Variants in SHISA5 observed in about 807,000 individuals in gnomAD.
SHISA5 encodes protein shisa-5.
In SHISA5, 21 loss-of-function variants were observed where a neutral mutation model predicts 27.5. The ratio of observed to expected loss-of-function variants is 0.76; its 90% CI spans 0.54 to 1.10. The LOEUF (loss-of-function observed/expected upper bound fraction) is 1.10, where lower values mean the gene tolerates loss of function less well. Among genes scored for constraint, SHISA5 ranks in the 50% least tolerant of loss-of-function variants. The pLI is 0.00. For missense variants in SHISA5, 314 were observed against 336.3 expected (o/e 0.93, Z 0.52); for synonymous variants, 137 against 142.2 (o/e 0.96, Z 0.26).
At chr3:48,489,414 C>T (rs572203741) in intron 2 of SHISA5, among the ~76,000 whole-genome samples, 6 of 146,414 alleles carry the variant, frequency 4.1e-5, no homozygotes, top group Non-Finnish European at 7.5e-5. Flanking sequence ...CTCTGCCTCC[C>T]GGGTTCACGC....
At chr3:48,477,063 T>C (rs2040850846) in intron 3 of SHISA5, 1 of 450,836 alleles carries the variant, frequency 2.2e-6, no homozygotes, top group Non-Finnish European at 4.4e-6. Context: ...TGTTCCGCAC[T>C]GTCTCCTCCT....
chr3:48,472,875 A>G, intron 3 of SHISA5: 1 of 954,340 alleles, frequency 1.0e-6, no homozygotes, highest in Non-Finnish European at 1.6e-6. Flanking sequence ...CGGCCCAACC[A>G]GAGGCAGGAA....
intron 1 of SHISA5, among the ~76,000 whole-genome samples, chr3:48,501,870 T>C (rs543728217): frequency 6.0e-5 from 9 of 150,140 alleles, no homozygotes; most frequent in Admixed American, 4.6e-4. Flanking sequence ...CTTTTTTTTT[T>C]TTTTTTTTGA....
At chr3:48,498,072 T>A (rs909181778) in intron 2 of SHISA5, among the ~76,000 whole-genome samples, 3 of 152,220 alleles carry the variant, frequency 2.0e-5, no homozygotes, top group African/African-American at 7.2e-5. Flanking sequence ...GAGAGTAATA[T>A]AATTTACCAT....
intron 2 of SHISA5, among the ~76,000 whole-genome samples, chr3:48,496,815 A>G (rs1472577666): frequency 1.3e-5 from 2 of 152,014 alleles, no homozygotes; most frequent in African/African-American, 2.4e-5. Flanking sequence ...AACATATATA[A>G]GACTTTGAAA....
At chr3:48,492,242 G>A (rs112288554) in intron 2 of SHISA5, among the ~76,000 whole-genome samples, 2 of 150,644 alleles carry the variant, frequency 1.3e-5, no homozygotes, top group South Asian at 2.1e-4. Flanking sequence ...AGGCCGAGGC[G>A]GGCGGATCAC....
chr3:48,475,506 C>G (rs1266032459), intron 3 of SHISA5, among the ~76,000 whole-genome samples: 3 of 152,136 alleles, frequency 2.0e-5, no homozygotes, highest in Non-Finnish European at 4.4e-5. Context: ...CCTGGGATAC[C>G]CGCACCCCCA....
chr3:48,490,578 C>T (rs115240135), intron 2 of SHISA5, among the ~76,000 whole-genome samples: 2,451 of 152,248 alleles, frequency 0.016, 57 homozygotes, highest in African/African-American at 0.052. Context: ...GCCCAAATTC[C>T]TATCTAAGGG....
Position 48,469,936 on chromosome 3 carries a change from G to T in SHISA5, c.315-93C>A. ...AGGCATGCCCCTCTTGCCAGAAGGG[G>T]TCTGGGCAATACAGTTATAGCTACT... On this transcript the variant is annotated intron_variant, in intron 3 of 5. Coordinates refer to ENST00000296444, the MANE Select transcript of SHISA5 (RefSeq NM_016479.6). This position sits in a 1 kb window ranked among gnomAD's most constrained non-coding sequence, Gnocchi z 4.6. 6.7e-7 allele frequency: 1 copy of T among 1,494,410 alleles called. No homozygotes were observed. Among genetic ancestry groups the T allele is most frequent in the Non-Finnish European group, 9.1e-7 (1 of 1,104,654 alleles). The allele number at this position is 1,494,410 out of a possible 1,614,324, so 92.6% of individuals were successfully genotyped here. A position where few individuals can be genotyped will look rare whatever the true frequency, so the allele number is the denominator to read the frequency against.
intron 2 of SHISA5, among the ~76,000 whole-genome samples, chr3:48,497,892 A>C (rs1009888765): frequency 5.3e-5 from 8 of 151,858 alleles, no homozygotes; most frequent in African/African-American, 1.7e-4. Flanking sequence ...TGTCTCAAAA[A>C]AAAAAAAGAA....
At chr3:48,483,202 G>T (rs2041081169) in intron 2 of SHISA5, among the ~76,000 whole-genome samples, 1 of 151,986 alleles carries the variant, frequency 6.6e-6, no homozygotes, top group South Asian at 2.1e-4. Flanking sequence ...AGTGAACAAA[G>T]GTCTCTAGTT....
At chr3:48,477,387 C>G (rs1344533194) in intron 3 of SHISA5, among the ~76,000 whole-genome samples, 1 of 152,122 alleles carries the variant, frequency 6.6e-6, no homozygotes, top group Non-Finnish European at 1.5e-5. Context: ...TTAGCCACCA[C>G]GCCCGGCCTC....
chr3:48,499,419 C>CAACA (rs1200710539), intron 2 of SHISA5, among the ~76,000 whole-genome samples: 1 of 152,030 alleles, frequency 6.6e-6, no homozygotes, highest in Non-Finnish European at 1.5e-5. Flanking sequence ...TGGCTCATGC[C>CAACA]TGTTATCCCA....
At chr3:48,476,836 A>T (rs1391723628) in intron 3 of SHISA5, 2 of 275,106 alleles carry the variant, frequency 7.3e-6, no homozygotes, top group African/African-American at 4.6e-5. Flanking sequence ...TTCTCGATGC[A>T]TGGGCAAAAT....
At chr3:48,492,442 C>T (rs2041464653) in intron 2 of SHISA5, among the ~76,000 whole-genome samples, 1 of 147,924 alleles carries the variant, frequency 6.8e-6, no homozygotes, top group Non-Finnish European at 1.5e-5. Context: ...TGCAGTCCCG[C>T]CTGGGTGAAA....
intron 2 of SHISA5, among the ~76,000 whole-genome samples, chr3:48,497,622 T>G (rs1309722098): frequency 6.6e-6 from 1 of 151,698 alleles, no homozygotes; most frequent in East Asian, 1.9e-4. Context: ...TTCAGCTAGG[T>G]GCACCTGTAA....
chr3:48,504,230 G>T, upstream of SHISA5: 1 of 390,168 alleles, frequency 2.6e-6, no homozygotes, highest in South Asian at 1.2e-4. The surrounding 1 kb of genome is among the most constrained non-coding windows in gnomAD (Gnocchi z 4.0). Flanking sequence ...CTCTGTCCGG[G>T]GGAGCAGGAG....
intron 1 of SHISA5, 150 bp from the exon 2 acceptor site, chr3:48,501,443 C>T (rs2041753010): frequency 3.5e-6 from 3 of 853,784 alleles, no homozygotes; most frequent in African/African-American, 1.7e-5. Flanking sequence ...CCTTCTGACC[C>T]CTGGCCACTG....
At position 48,469,450 on chromosome 3, in the gene SHISA5, C is replaced by T. The variant is rs1322923541; in HGVS notation, c.554G>A (p.Gly185Glu). The change falls in exon 5 of 6, where the codon GGG becomes GAG. Residue 185 changes from glycine to glutamate, a missense_variant. Physicochemically the swap from Gly to Glu is moderately conservative, Grantham distance 98. Transcript: ENST00000296444. This position sits in a 1 kb window ranked among gnomAD's most constrained non-coding sequence, Gnocchi z 4.6. ...QGYHTMPPQP[G>E]MPAAPYPMQY... ...CATTGGGTAGGGTGCTGCTGGCATC[C>T]CTGGCTGAGGCGGCATGGTGTGGTA... 1 of 1,613,704 alleles carries T rather than the reference C, an allele frequency of 6.2e-7. No homozygotes were observed. Among genetic ancestry groups the T allele is most frequent in the Non-Finnish European group, 8.5e-7 (1 of 1,179,856 alleles).
Sources: allele counts gnomAD v4.1 joint callset (sites outside exome capture counted in the v4.1 genomes callset), GRCh38; gene constraint gnomAD v4.1.1; non-coding constraint Gnocchi (gnomAD v3.1); transcripts MANE v1.5; gene names NCBI Gene and HGNC (gene_info 2026-07-23, HGNC 2026-07-21).